The following ZSCAN22 variants were observed in gnomAD, a reference collection of about 807,000 sequenced individuals.
The protein encoded by ZSCAN22 is zinc finger and SCAN domain-containing protein 22.
Under a neutral mutation model 12.4 loss-of-function variants are expected in ZSCAN22, and 7 were observed. That is an observed-to-expected ratio of 0.57 (90% CI 0.32 to 1.06). The LOEUF (loss-of-function observed/expected upper bound fraction) is 1.06. Ranked by LOEUF, ZSCAN22 falls within the 50% of genes least tolerant of loss-of-function variation. The probability of loss-of-function intolerance (pLI) is 0.04; values close to 1 mark genes in which losing one functional copy is unlikely to be tolerated. For synonymous variants in ZSCAN22, 243 were observed against 255.9 expected (o/e 0.95, Z 0.48); for missense variants, 576 against 631.7 (o/e 0.91, Z 0.94).
At chr19:58,330,149 G>T (rs73570694) in intron 1 of ZSCAN22, among the ~76,000 whole-genome samples, 14,153 of 152,080 alleles carry the variant, frequency 0.093, 1,009 homozygotes, top group African/African-American at 0.18. Flanking sequence ...AAATAGCTGG[G>T]TGTGGTGGTG....
chr19:58,333,355 T>C (rs2051749020), intron 1 of ZSCAN22, among the ~76,000 whole-genome samples: 1 of 152,242 alleles, frequency 6.6e-6, no homozygotes, highest in Non-Finnish European at 1.5e-5. Flanking sequence ...TTTGCATTAT[T>C]TTCAAGTATT....
rs1467985366 is a variant in ZSCAN22 at position 58,338,669 on chromosome 19, T to C, written c.819T>C (p.Cys273=). ...AGAGGTCCTCCAAGTGTCGCGAGTG[T>C]AGGAAGATGTTCCAGAGTGCTTCGG... ...SGKRSSKCRE[C]RKMFQSASAL... is the part of the protein sequence containing the mutation. The change falls in exon 3 of 3, where the codon TGT becomes TGC. Residue 273 remains cysteine, a synonymous_variant. Coordinates refer to ENST00000329665, the MANE Select transcript of ZSCAN22 (RefSeq NM_181846.3). The surrounding 1 kb of genome is among the most constrained non-coding windows in gnomAD (Gnocchi z 5.4). 6.2e-7 allele frequency: 1 copy of C among 1,614,170 alleles called. No individual in the cohort carries two copies. The highest frequency in any genetic ancestry group is 1.7e-5 in the Admixed American group (1 of 60,030).
chr19:58,338,380 C>T lies in ZSCAN22; in HGVS notation c.530C>T (p.Ala177Val), dbSNP rs1237963524. Residue 177 changes from alanine to valine, a missense_variant, in exon 3 of 3, where the codon GCA (alanine) becomes GTA (valine). Coordinates refer to ENST00000329665, the MANE Select transcript of ZSCAN22 (RefSeq NM_181846.3). This position sits in a 1 kb window ranked among gnomAD's most constrained non-coding sequence, Gnocchi z 5.4. ...TCCCTTGGACCCGCCTTTGTCAAGG[C>T]ATGTGAACCTGAGGGCAGCTCAGAG... ...GVSLGPAFVK[A>V]CEPEGSSERS... 1.9e-6 allele frequency: 3 copies of T among 1,614,176 alleles called. No homozygotes were observed. Among genetic ancestry groups the T allele is most frequent in the South Asian group, 2.2e-5 (2 of 91,074 alleles).
chr19:58,327,806 G>A (rs1016901831), intron 1 of ZSCAN22, among the ~76,000 whole-genome samples: 1 of 152,184 alleles, frequency 6.6e-6, no homozygotes, highest in Non-Finnish European at 1.5e-5. Flanking sequence ...CTAAGATTAT[G>A]AATGACTGTG....
intron 2 of ZSCAN22, among the ~76,000 whole-genome samples, chr19:58,336,447 G>C (rs1369534205): frequency 6.6e-6 from 1 of 152,080 alleles, no homozygotes; most frequent in South Asian, 2.1e-4. Flanking sequence ...GGGAATGGTG[G>C]GGTCAAAGGC....
intron 2 of ZSCAN22, among the ~76,000 whole-genome samples, chr19:58,336,568 G>A (rs1033161181): frequency 2.0e-5 from 3 of 152,090 alleles, no homozygotes; most frequent in South Asian, 4.1e-4. Context: ...GGGGAGCAGG[G>A]GAGACTGCCT....
At chr19:58,331,516 A>ATGT (rs2051724083) in intron 1 of ZSCAN22, among the ~76,000 whole-genome samples, 3 of 130,110 alleles carry the variant, frequency 2.3e-5, no homozygotes, top group African/African-American at 8.5e-5. Context: ...CGTCCAGCTG[A>ATGT]CGTTATTATT....
Position 58,341,665 on chromosome 19 carries a change from G to A in ZSCAN22, c.*2339G>A, listed in dbSNP as rs2051877434. 2.0e-5 allele frequency: 3 copies of A among 152,236 alleles called. No homozygotes were observed. The highest frequency in any genetic ancestry group is 2.9e-5 in the Non-Finnish European group (2 of 68,056). The allele number at this position is 152,236 out of a possible 1,614,324, so 9.4% of individuals were successfully genotyped here. A position where few individuals can be genotyped will look rare whatever the true frequency, so the allele number is the denominator to read the frequency against. ...ACACAGGCAGAGAGGGCCACATATCGTGTGCCAGAGGCTGAGAGACTGAGA... is the reference window on the plus strand; with the variant it reads ...ACACAGGCAGAGAGGGCCACATATCATGTGCCAGAGGCTGAGAGACTGAGA... On this transcript the variant is annotated 3_prime_UTR_variant, in exon 3 of 3. Coordinates refer to ENST00000329665, the MANE Select transcript of ZSCAN22 (RefSeq NM_181846.3).
Position 58,339,134 on chromosome 19 carries a change from A to C in ZSCAN22, c.1284A>C (p.Arg428Ser). 6.2e-7 allele frequency: 1 copy of C among 1,614,192 alleles called. No individual in the cohort carries two copies. The highest frequency in any genetic ancestry group is 8.5e-7 in the Non-Finnish European group (1 of 1,180,034). Residue 428 changes from arginine (R) to serine (S), a missense_variant, in exon 3 of 3, where the codon AGA becomes AGC. By Grantham distance (110) the Arg-to-Ser change is moderately radical (BLOSUM62 -1). Transcript: ENST00000329665. The surrounding 1 kb of genome is among the most constrained non-coding windows in gnomAD (Gnocchi z 5.6). ...GCTCAGCCCTGATCCGACATCTGAG[A>C]ATCCACTCTGGAGAGAAGCCATATC... ...SDCSALIRHL[R>S]IHSGEKPYQC...
intron 2 of ZSCAN22, among the ~76,000 whole-genome samples, chr19:58,336,994 C>A (rs561204637): frequency 1.3e-5 from 2 of 152,308 alleles, no homozygotes; most frequent in African/African-American, 4.8e-5. Context: ...GGAATCCATC[C>A]AGTAGATGTG....
chr19:58,339,076 A>G lies in ZSCAN22; in HGVS notation c.1226A>G (p.Lys409Arg), dbSNP rs2051837836. Reference sequence around the variant, plus strand: ...ATCCACACCGGGGAGAAGCCCTACAAGTGTGACGCGTGTGGCCGAGCCTTC... The same window carrying G: ...ATCCACACCGGGGAGAAGCCCTACAGGTGTGACGCGTGTGGCCGAGCCTTC... ...QRIHTGEKPY[K>R]CDACGRAFSD... The change falls in exon 3 of 3, where the codon AAG becomes AGG. Residue 409 changes from lysine to arginine, a missense_variant. Coordinates refer to ENST00000329665, the MANE Select transcript of ZSCAN22 (RefSeq NM_181846.3). The surrounding 1 kb of genome is among the most constrained non-coding windows in gnomAD (Gnocchi z 5.6). 1 of 1,614,110 alleles carries G rather than the reference A, an allele frequency of 6.2e-7. No homozygotes were observed. The highest frequency in any genetic ancestry group is 1.3e-5 in the African/African-American group (1 of 74,946).
At position 58,335,312 on chromosome 19, in the gene ZSCAN22, C is replaced by A; in HGVS notation, c.403+107C>A. On this transcript the variant is annotated intron_variant, in intron 2 of 2. Coordinates refer to ENST00000329665, the MANE Select transcript of ZSCAN22 (RefSeq NM_181846.3). The surrounding 1 kb of genome is among the most constrained non-coding windows in gnomAD (Gnocchi z 4.1). ...GGGGTTGCTCATGCACCCATTCTCA[C>A]ATTTGTACTTTACCGTAACTCTCAC... is the stretch of plus-strand genomic sequence containing the variant. 1 of 1,352,214 alleles carries A rather than the reference C, an allele frequency of 7.4e-7. No individual in the cohort carries two copies. The highest frequency in any genetic ancestry group is 9.8e-7 in the Non-Finnish European group (1 of 1,017,298). 83.8% of individuals were successfully genotyped at this position (1,352,214 alleles called of 1,614,324 possible).
At chr19:58,334,471 C>T (rs1277687869) in intron 1 of ZSCAN22, among the ~76,000 whole-genome samples, 2 of 152,162 alleles carry the variant, frequency 1.3e-5, no homozygotes, top group Non-Finnish European at 2.9e-5. Context: ...TGCCCGCCAC[C>T]ACGTCTGGCT....
In ZSCAN22 at chr19:58,339,551, C is replaced by A; in HGVS notation, c.*225C>A. 1 of 532,560 alleles carries A rather than the reference C, an allele frequency of 1.9e-6. No individual in the cohort carries two copies. Among genetic ancestry groups the A allele is most frequent in the Non-Finnish European group, 3.3e-6 (1 of 300,742 alleles). The allele number at this position is 532,560 out of a possible 1,614,324, so 33.0% of individuals were successfully genotyped here. A position where few individuals can be genotyped will look rare whatever the true frequency, so the allele number is the denominator to read the frequency against. Reference sequence around the variant, plus strand: ...CCAGCTGGAGAAGCTTCCAGAAGGGCCCTGCACTGCTACCCTCTATTTCCC... The same window carrying A: ...CCAGCTGGAGAAGCTTCCAGAAGGGACCTGCACTGCTACCCTCTATTTCCC... On this transcript the variant is annotated 3_prime_UTR_variant, in exon 3 of 3. Transcript: ENST00000329665. The surrounding 1 kb of genome is among the most constrained non-coding windows in gnomAD (Gnocchi z 5.6).
Position 58,335,261 on chromosome 19 carries a change from A to T in ZSCAN22, c.403+56A>T. On this transcript the variant is annotated intron_variant, in intron 2 of 2. Coordinates refer to ENST00000329665, the MANE Select transcript of ZSCAN22 (RefSeq NM_181846.3). The surrounding 1 kb of genome is among the most constrained non-coding windows in gnomAD (Gnocchi z 4.1). Reference sequence around the variant, plus strand: ...ACACCAGAGATACACCCTGGACAGGAACATGGGAGCACAGGGCTCTGGTTT... The same window carrying T: ...ACACCAGAGATACACCCTGGACAGGTACATGGGAGCACAGGGCTCTGGTTT... 1 of 1,472,012 alleles carries T rather than the reference A, an allele frequency of 6.8e-7. No individual in the cohort carries two copies. Among genetic ancestry groups the T allele is most frequent in the Non-Finnish European group, 9.0e-7 (1 of 1,110,350 alleles). The allele number at this position is 1,472,012 out of a possible 1,614,324, so 91.2% of individuals were successfully genotyped here. A position where few individuals can be genotyped will look rare whatever the true frequency, so the allele number is the denominator to read the frequency against.
chr19:58,336,741 A>C (rs1034929574), intron 2 of ZSCAN22, among the ~76,000 whole-genome samples: 11 of 152,212 alleles, frequency 7.2e-5, no homozygotes, highest in Admixed American at 7.2e-4. Flanking sequence ...GTCGAAGCTG[A>C]AATGAGGCGA....
intron 1 of ZSCAN22, among the ~76,000 whole-genome samples, chr19:58,327,326 C>T (rs2051664261): frequency 6.6e-6 from 1 of 152,090 alleles, no homozygotes; most frequent in South Asian, 2.1e-4. Context: ...CAGGCGTGGA[C>T]GGACCGTGTG....
chr19:58,338,209 C>G lies in ZSCAN22; in HGVS notation c.404-45C>G. 6.5e-7 allele frequency: 1 copy of G among 1,527,752 alleles called. No homozygotes were observed. The highest frequency in any genetic ancestry group is 8.9e-7 in the Non-Finnish European group (1 of 1,126,188). 94.6% of individuals were successfully genotyped at this position (1,527,752 alleles called of 1,614,324 possible). ...GGGGCCCTCGGCAGAGTAGGGGAGGCTTGGTGTGGTAGGAGGAGTGACAGT... is the reference window on the plus strand; with the variant it reads ...GGGGCCCTCGGCAGAGTAGGGGAGGGTTGGTGTGGTAGGAGGAGTGACAGT... On this transcript the variant is annotated intron_variant, in intron 2 of 2. Coordinates refer to ENST00000329665, the MANE Select transcript of ZSCAN22 (RefSeq NM_181846.3). This position sits in a 1 kb window ranked among gnomAD's most constrained non-coding sequence, Gnocchi z 5.4.
At chr19:58,336,127 C>T (rs543143301) in intron 2 of ZSCAN22, among the ~76,000 whole-genome samples, 4 of 152,316 alleles carry the variant, frequency 2.6e-5, no homozygotes, top group African/African-American at 9.6e-5. Context: ...TCTTCCTGGC[C>T]ATGTGACTCC....
Sources: allele counts gnomAD v4.1 joint callset (sites outside exome capture counted in the v4.1 genomes callset), GRCh38; gene constraint gnomAD v4.1.1; non-coding constraint Gnocchi (gnomAD v3.1); transcripts MANE v1.5; gene names NCBI Gene and HGNC (gene_info 2026-07-23, HGNC 2026-07-21).